The following EXPH5 variants were observed in gnomAD, a reference collection of about 807,000 sequenced individuals.
EXPH5 encodes exophilin 5.
A neutral mutation model predicts 41.1 loss-of-function variants in EXPH5; 42 were observed. That is an observed-to-expected ratio of 1.02 (90% CI 0.80 to 1.32). The LOEUF is 1.32. EXPH5 is among the 40% of genes most tolerant of loss of function. EXPH5 has a pLI of 0.00. For synonymous variants in EXPH5, 798 were observed against 833.5 expected (o/e 0.96, Z 0.73); for missense variants, 2,298 against 2,314.5 (o/e 0.99, Z 0.15).
intron 5 of EXPH5, among the ~76,000 whole-genome samples, chr11:108,516,063 C>G (rs1198179140): frequency 2.2e-5 from 3 of 137,788 alleles, no homozygotes; most frequent in African/African-American, 5.3e-5. Context: ...AAGAGCGAGA[C>G]TCCGTCTCAA....
chr11:108,518,793 A>G (rs2093744878), intron 4 of EXPH5, among the ~76,000 whole-genome samples: 1 of 152,244 alleles, frequency 6.6e-6, no homozygotes, highest in African/African-American at 2.4e-5. Flanking sequence ...GGTACAGGTC[A>G]TAAAGATCTT....
intron 1 of EXPH5, among the ~76,000 whole-genome samples, chr11:108,553,116 T>C (rs2093974922): frequency 6.6e-6 from 1 of 151,526 alleles, no homozygotes; most frequent in Non-Finnish European, 1.5e-5. Flanking sequence ...GGAGAATCGC[T>C]TGAACTGGGG....
intron 1 of EXPH5, among the ~76,000 whole-genome samples, chr11:108,568,460 A>C (rs2094045102): frequency 6.6e-6 from 1 of 152,108 alleles, no homozygotes; most frequent in African/African-American, 2.4e-5. Context: ...CCGAGGAACA[A>C]GTTCCAAGTT....
intron 4 of EXPH5, among the ~76,000 whole-genome samples, chr11:108,523,583 T>C (rs1354405007): frequency 6.6e-6 from 1 of 152,130 alleles, no homozygotes; most frequent in Non-Finnish European, 1.5e-5. Context: ...GAAAACTAAC[T>C]ATATAAGGCT....
At chr11:108,519,876 G>A (rs973149232) in intron 4 of EXPH5, among the ~76,000 whole-genome samples, 7 of 150,188 alleles carry the variant, frequency 4.7e-5, no homozygotes, top group South Asian at 2.1e-4. Context: ...GCTTGAACCC[G>A]GGAGGCGGAG....
the EXPH5 span, among the ~76,000 whole-genome samples, chr11:108,602,570 G>T: frequency 1.3e-5 from 2 of 148,268 alleles, no homozygotes; most frequent in African/African-American, 2.5e-5. Context: ...TTTTGGAGAT[G>T]AGGTCTCATT....
rs1383059384 is a variant in EXPH5, at chr11:108,512,326, C to T, written c.3181G>A (p.Ala1061Thr). Residue 1061 changes from alanine (A) to threonine (T), a missense_variant, in exon 6 of 6, where the codon GCA becomes ACA. Ala to Thr is a moderately conservative substitution (Grantham distance 58). Coordinates refer to ENST00000265843, the MANE Select transcript of EXPH5 (RefSeq NM_015065.3). Reference sequence around the variant, plus strand: ...TTGTTTAACATATAGTTCCCCATTGCATCTTCCACATTATTTTTGATTTGG... The same window carrying T: ...TTGTTTAACATATAGTTCCCCATTGTATCTTCCACATTATTTTTGATTTGG... ...PFQIKNNVED[A>T]MGNYMLNKFS... is the part of the protein sequence containing the mutation. 4 of 1,612,946 alleles carry T rather than the reference C, an allele frequency of 2.5e-6. No homozygotes were observed. The East Asian group carries it at 6.7e-5, about 27-fold the overall frequency.
chr11:108,543,812 A>G (rs572022029), intron 1 of EXPH5, among the ~76,000 whole-genome samples: 2 of 152,348 alleles, frequency 1.3e-5, no homozygotes, highest in South Asian at 2.1e-4. Context: ...TTCAACTTAC[A>G]GAATTTGCAT....
chr11:108,604,312 T>C, the EXPH5 span, among the ~76,000 whole-genome samples: 3 of 151,696 alleles, frequency 2.0e-5, no homozygotes, highest in East Asian at 1.9e-4. Context: ...GGGAGGATCA[T>C]TGGAACCCAG....
intron 1 of EXPH5, among the ~76,000 whole-genome samples, chr11:108,560,219 A>G (rs1334973564): frequency 6.6e-6 from 1 of 152,258 alleles, no homozygotes; most frequent in African/African-American, 2.4e-5. Context: ...CATGACTCTC[A>G]AACCACATCT....
At chr11:108,598,846 G>A in the EXPH5 span, among the ~76,000 whole-genome samples, 1 of 152,192 alleles carries the variant, frequency 6.6e-6, no homozygotes, top group Admixed American at 6.5e-5. Context: ...AAGCAAGGGA[G>A]TTCAGATTCC....
upstream of EXPH5, among the ~76,000 whole-genome samples, chr11:108,596,147 A>G (rs191789538): frequency 1.3e-5 from 2 of 151,726 alleles, no homozygotes; most frequent in African/African-American, 4.8e-5. Context: ...GTGAGCCGAG[A>G]TCACACCACT....
At chr11:108,516,164 A>C (rs911635690) in intron 5 of EXPH5, among the ~76,000 whole-genome samples, 1 of 152,008 alleles carries the variant, frequency 6.6e-6, no homozygotes, top group African/African-American at 2.4e-5. Context: ...AGACGAGCTC[A>C]TAGTTTTACA....
chr11:108,557,970 T>C (rs1305774874), intron 1 of EXPH5, among the ~76,000 whole-genome samples: 1 of 151,970 alleles, frequency 6.6e-6, no homozygotes. Flanking sequence ...TGAGATGGAG[T>C]CTCACTCTGT....
intron 4 of EXPH5, among the ~76,000 whole-genome samples, chr11:108,527,027 C>T (rs1410231729): frequency 6.6e-6 from 1 of 151,972 alleles, no homozygotes; most frequent in Non-Finnish European, 1.5e-5. Flanking sequence ...GTGTAAAGAA[C>T]CTCTGTTTCC....
chr11:108,520,190 C>A (rs143624814), intron 4 of EXPH5, among the ~76,000 whole-genome samples: 1 of 152,116 alleles, frequency 6.6e-6, no homozygotes, highest in African/African-American at 2.4e-5. Context: ...CACAGGATTG[C>A]GAACCCTATT....
rs769280694 is a variant in EXPH5, at chr11:108,514,253, G to A, written c.1254C>T (p.Tyr418=). 1.2e-6 allele frequency: 2 copies of A among 1,614,172 alleles called. No homozygotes were observed. The highest frequency in any genetic ancestry group is 2.2e-5 in the South Asian group (2 of 91,082). The change falls in exon 6 of 6, where the codon TAC becomes TAT. Residue 418 remains tyrosine, a synonymous_variant. Transcript: ENST00000265843. ...CACGTTGGTAAACATTCTGTGAATG[G>A]TACGATTCATATCTCTTATTCTCCT... ...GFQENKRYES[Y]HSQNVYQRVS...
At chr11:108,586,425 T>C (rs531932983) in intron 1 of EXPH5, among the ~76,000 whole-genome samples, 90 of 141,890 alleles carry the variant, frequency 6.3e-4, no homozygotes, top group Admixed American at 1.1e-3. Flanking sequence ...ACTCCCTCCC[T>C]GATCCCCTTT....
chr11:108,538,269 C>A (rs770365761), intron 3 of EXPH5: 4 of 985,212 alleles, frequency 4.1e-6, no homozygotes, highest in Non-Finnish European at 4.8e-6. Context: ...CAAGCCAACA[C>A]CTTAAGAGGG....
Sources: allele counts gnomAD v4.1 joint callset (sites outside exome capture counted in the v4.1 genomes callset), GRCh38; gene constraint gnomAD v4.1.1; transcripts MANE v1.5; gene names NCBI Gene and HGNC (gene_info 2026-07-23, HGNC 2026-07-21).